ATG7: variants seen among roughly 807,000 people sequenced by gnomAD.
ATG7 encodes the protein autophagy related 7.
Under a neutral mutation model 82.4 loss-of-function variants are expected in ATG7, and 70 were observed. The ratio of observed to expected loss-of-function variants is 0.85; its 90% CI spans 0.70 to 1.04. ATG7 has a LOEUF of 1.04. Among genes scored for constraint, ATG7 ranks in the 50% least tolerant of loss-of-function variants. ATG7 has a pLI of 0.00. For missense variants in ATG7, 792 were observed against 864.3 expected, an observed-to-expected ratio of 0.92 and a Z score of 1.05; for synonymous variants, 287 against 313.0, an observed-to-expected ratio of 0.92 and a Z score of 0.88.
chr3:11,333,103 C>G lies in ATG7; in HGVS notation c.889+10C>G. 5 of 1,541,738 alleles carry G rather than the reference C, an allele frequency of 3.2e-6. No homozygotes were observed. Among genetic ancestry groups the G allele is most frequent in the Non-Finnish European group, 4.4e-6 (5 of 1,148,570 alleles). On this transcript the variant is annotated intron_variant, in intron 11 of 20. Coordinates refer to ENST00000693202, the MANE Select transcript of ATG7 (RefSeq NM_001349232.2). Reference sequence around the variant, plus strand: ...ATGGCATTTAGCCCAGGTAATTTGCCGGTCTTTGAAAATGCATATAATTAT... The same window carrying G: ...ATGGCATTTAGCCCAGGTAATTTGCGGGTCTTTGAAAATGCATATAATTAT...
At chr3:11,412,004 T>C (rs1439959705) in intron 19 of ATG7, among the ~76,000 whole-genome samples, 1 of 151,002 alleles carries the variant, frequency 6.6e-6, no homozygotes, top group African/African-American at 2.4e-5. Context: ...AACACCAGGG[T>C]ATTCTGTCTA....
rs7645124 is a variant in ATG7, at chr3:11,549,766, T to C, written c.2080-5045T>C. Among the ~76,000 whole-genome samples the C allele has an allele frequency of 7.9e-3, 1,203 of 152,324 alleles. 12 individuals carry two copies. The highest frequency in any genetic ancestry group is 0.028 in the African/African-American group (1,155 of 41,564). ...TTGGAGTAAACAGGAGTGGAATGGCTGGATCACATGGTGAGCGCACACTTA... is the reference window on the plus strand; with the variant it reads ...TTGGAGTAAACAGGAGTGGAATGGCCGGATCACATGGTGAGCGCACACTTA... On this transcript the variant is annotated intron_variant, in intron 20 of 20. Coordinates refer to ENST00000693202, the MANE Select transcript of ATG7 (RefSeq NM_001349232.2).
chr3:11,572,044 T>C, the ATG7 span, among the ~76,000 whole-genome samples: 3 of 151,684 alleles, frequency 2.0e-5, no homozygotes, highest in East Asian at 5.8e-4. Flanking sequence ...GAGATGGAGG[T>C]TGCAGTGAGC....
chr3:11,384,431 T>C (rs2078157205), intron 19 of ATG7, among the ~76,000 whole-genome samples: 1 of 152,168 alleles, frequency 6.6e-6, no homozygotes, highest in Admixed American at 6.5e-5. Context: ...GACTATGCAA[T>C]AGGTTCTTCT....
In ATG7 at chr3:11,341,652, T is replaced by G. The variant is rs532338141; in HGVS notation, c.981-483T>G. Reference sequence around the variant, plus strand: ...TAGTAGAGAGAGGGTTTTACCATGTTGGCTAGGCTGGTCTCGAACTCCTGA... The same window carrying G: ...TAGTAGAGAGAGGGTTTTACCATGTGGGCTAGGCTGGTCTCGAACTCCTGA... On this transcript the variant is annotated intron_variant, in intron 12 of 20. Transcript: ENST00000693202. Among the ~76,000 whole-genome samples the G allele has an allele frequency of 1.2e-4, 18 of 152,164 alleles. No individual in the cohort carries two copies. The South Asian group carries it at 3.3e-3, about 28-fold the overall frequency.
chr3:11,301,769 A>G (rs1460298927), intron 5 of ATG7, among the ~76,000 whole-genome samples: 1 of 152,224 alleles, frequency 6.6e-6, no homozygotes, highest in Admixed American at 6.5e-5. Context: ...GGGAGCATCA[A>G]CAGTCTGTTT....
intron 5 of ATG7, among the ~76,000 whole-genome samples, chr3:11,300,925 A>T (rs997115030): frequency 1.3e-5 from 2 of 152,172 alleles, no homozygotes; most frequent in Non-Finnish European, 2.9e-5. Flanking sequence ...GACGTATTAA[A>T]TAGAGTTTTG....
At chr3:11,475,389 G>A (rs2088039346) in intron 20 of ATG7, among the ~76,000 whole-genome samples, 1 of 152,160 alleles carries the variant, frequency 6.6e-6, no homozygotes, top group African/African-American at 2.4e-5. Context: ...ATTCCTTAGT[G>A]AGGAAAGGGA....
chr3:11,323,996 T>C (rs1950536967), intron 9 of ATG7, among the ~76,000 whole-genome samples: 1 of 152,240 alleles, frequency 6.6e-6, no homozygotes, highest in Non-Finnish European at 1.5e-5. Flanking sequence ...CTCTTTTCTT[T>C]CTCACAGTGT....
intron 8 of ATG7, 30 bp from the exon 9 acceptor site, chr3:11,315,314 A>G (rs770361206): frequency 6.7e-7 from 1 of 1,497,074 alleles, no homozygotes; most frequent in Non-Finnish European, 8.9e-7. Flanking sequence ...GTAATTTTCT[A>G]GAGAATAACA....
At chr3:11,474,630 G>A (rs2087922823) in intron 20 of ATG7, among the ~76,000 whole-genome samples, 2 of 152,136 alleles carry the variant, frequency 1.3e-5, no homozygotes, top group Admixed American at 1.3e-4. Context: ...AAAGAAAACA[G>A]AGTGTTTGGA....
the ATG7 span, among the ~76,000 whole-genome samples, chr3:11,573,348 A>C: frequency 1.0e-5 from 1 of 97,298 alleles, no homozygotes; most frequent in African/African-American, 3.3e-5. Context: ...AGAAAGAAAG[A>C]AAGAAAGAAA....
At chr3:11,408,933 A>G (rs1037504968) in intron 19 of ATG7, among the ~76,000 whole-genome samples, 2 of 152,166 alleles carry the variant, frequency 1.3e-5, no homozygotes, top group East Asian at 1.9e-4. Context: ...TCATATGCTT[A>G]CTTGTATATC....
intron 20 of ATG7, among the ~76,000 whole-genome samples, chr3:11,466,391 T>C (rs2086830493): frequency 6.6e-6 from 1 of 152,216 alleles, no homozygotes; most frequent in Admixed American, 6.5e-5. Context: ...TGTGTCCACG[T>C]CATATTGCAA....
At chr3:11,306,244 T>G (rs1485969803) in intron 5 of ATG7, among the ~76,000 whole-genome samples, 1 of 152,198 alleles carries the variant, frequency 6.6e-6, no homozygotes, top group Non-Finnish European at 1.5e-5. Context: ...AGCAGTTTTG[T>G]GCAGAGCCCT....
At chr3:11,421,347 T>A (rs2081929652) in intron 19 of ATG7, among the ~76,000 whole-genome samples, 1 of 152,238 alleles carries the variant, frequency 6.6e-6, no homozygotes, top group Non-Finnish European at 1.5e-5. Flanking sequence ...CAAATGCTGC[T>A]GCCACTTTAT....
the ATG7 span, among the ~76,000 whole-genome samples, chr3:11,567,146 C>T: frequency 2.0e-5 from 3 of 152,152 alleles, no homozygotes; most frequent in Non-Finnish European, 2.9e-5. Flanking sequence ...CAGGGGCACG[C>T]GCTCAGCTTA....
At chr3:11,522,149 G>A (rs1316483518) in intron 20 of ATG7, among the ~76,000 whole-genome samples, 1 of 152,146 alleles carries the variant, frequency 6.6e-6, no homozygotes, top group East Asian at 1.9e-4. Context: ...CTTAACCCAA[G>A]CATTACAAGG....
At chr3:11,545,100 G>C (rs961429882) in intron 20 of ATG7, among the ~76,000 whole-genome samples, 4 of 152,176 alleles carry the variant, frequency 2.6e-5, no homozygotes, top group Admixed American at 6.5e-5. Context: ...CTGAGCAAGG[G>C]GAGAGCCAGG....
Sources: gnomAD v4.1 joint callset for allele counts (sites outside exome capture counted in the v4.1 genomes callset) on GRCh38, gnomAD v4.1.1 for gene constraint, MANE v1.5 for transcripts, NCBI Gene and HGNC (gene_info 2026-07-23, HGNC 2026-07-21) for gene names.